The following PRPF39 variants were observed in gnomAD, a reference collection of about 807,000 sequenced individuals.
The protein encoded by PRPF39 is pre-mRNA-processing factor 39.
Under a neutral mutation model 82.1 loss-of-function variants are expected in PRPF39, and 27 were observed. That is an observed-to-expected ratio of 0.33 (90% CI 0.24 to 0.45). The LOEUF is 0.45. Among genes scored for constraint, PRPF39 ranks in the 20% least tolerant of loss-of-function variants. The pLI is 1.00. For missense variants in PRPF39, 581 were observed against 796.9 expected (o/e 0.73, Z 3.26); for synonymous variants, 261 against 256.4 (o/e 1.02, Z -0.17).
intron 5 of PRPF39, 34 bp from the exon 6 acceptor site, chr14:45,107,417 T>C: frequency 7.0e-7 from 1 of 1,426,862 alleles, no homozygotes; most frequent in South Asian, 1.3e-5. Context: ...AAAATTATGA[T>C]TCAAATACAT....
At chr14:45,087,569 T>TTTTGTTTTGC (rs1883873295) in intron 1 of PRPF39, among the ~76,000 whole-genome samples, 1 of 149,830 alleles carries the variant, frequency 6.7e-6, no homozygotes, top group African/African-American at 2.5e-5. Context: ...ACTGTTTTTT[T>TTTTGTTTTGC]TTTGTTTTGT....
At chr14:45,109,371 A>G (rs897060891) in intron 7 of PRPF39, among the ~76,000 whole-genome samples, 1 of 152,184 alleles carries the variant, frequency 6.6e-6, no homozygotes, top group Non-Finnish European at 1.5e-5. Context: ...CAAAGTATAA[A>G]ATGTTCTGTA....
chr14:45,090,497 A>G (rs185949843), intron 1 of PRPF39, among the ~76,000 whole-genome samples: 1 of 152,130 alleles, frequency 6.6e-6, no homozygotes, highest in Non-Finnish European at 1.5e-5. Flanking sequence ...TGTCTCTCTT[A>G]TCTTTTCAGT....
At chr14:45,095,650 T>C (rs994663628) in intron 2 of PRPF39, 87 bp downstream of exon 2, 4 of 1,410,440 alleles carry the variant, frequency 2.8e-6, no homozygotes, top group African/African-American at 2.9e-5. Flanking sequence ...TTGTTTATGA[T>C]TAAAATTGAC....
chr14:45,095,208 C>T lies in PRPF39; in HGVS notation c.-19-13C>T, dbSNP rs372744557. On this transcript the variant is annotated splice_polypyrimidine_tract_variant and intron_variant, in intron 1 of 13. Coordinates refer to ENST00000355765, the MANE Select transcript of PRPF39 (RefSeq NM_017922.4). The stretch of plus-strand genomic sequence containing the variant: ...ATTTGGAAGATATTTCTCTTTTTTT[C>T]GTGTTTCCACAGATCGTTAACTGAA... 170 of 1,462,510 alleles carry T rather than the reference C, an allele frequency of 1.2e-4. No individual in the cohort carries two copies. The African/African-American group carries it at 1.6e-3, about 14-fold the overall frequency. The allele number at this position is 1,462,510 out of a possible 1,614,324, so 90.6% of individuals were successfully genotyped here. A position where few individuals can be genotyped will look rare whatever the true frequency, so the allele number is the denominator to read the frequency against.
At chr14:45,096,068 T>C (rs752973797) in intron 2 of PRPF39, 35 bp from the exon 3 acceptor site, 1 of 1,485,404 alleles carries the variant, frequency 6.7e-7, no homozygotes, top group Non-Finnish European at 9.1e-7. Context: ...GACAGAAATT[T>C]CCACAATATT....
Position 45,095,392 on chromosome 14 carries a change from G to C in PRPF39, c.153G>C (p.Val51=). ...AGTCACCTGATGACTCTCCCAATGT[G>C]AATGCATCTACAGAAGAAACTGAAA... is the stretch of plus-strand genomic sequence containing the variant. ...MEQSPDDSPN[V]NASTEETEMA... is the part of the protein sequence containing the mutation. Residue 51 remains valine (V), a synonymous_variant, in exon 2 of 14, where the codon GTG becomes GTC. Transcript: ENST00000355765. 1 of 1,613,956 alleles carries C rather than the reference G, an allele frequency of 6.2e-7. No individual in the cohort carries two copies. The highest frequency in any genetic ancestry group is 8.5e-7 in the Non-Finnish European group (1 of 1,179,878).
chr14:45,111,149 G>A (rs567707482), intron 10 of PRPF39, among the ~76,000 whole-genome samples: 11 of 152,138 alleles, frequency 7.2e-5, no homozygotes, highest in Admixed American at 2.0e-4. Flanking sequence ...AAGCATAGGC[G>A]TTGCCTATGT....
intron 1 of PRPF39, among the ~76,000 whole-genome samples, chr14:45,089,997 T>A (rs537527032): frequency 1.3e-5 from 2 of 152,210 alleles, no homozygotes; most frequent in Non-Finnish European, 2.9e-5. Context: ...AGGGGTGTGG[T>A]AAATTTGCTG....
At position 45,110,465 on chromosome 14, in the gene PRPF39, A is replaced by T; in HGVS notation, c.1304-84A>T. 7.2e-7 allele frequency: 1 copy of T among 1,385,006 alleles called. No individual in the cohort carries two copies. Among genetic ancestry groups the T allele is most frequent in the Non-Finnish European group, 9.8e-7 (1 of 1,019,294 alleles). The allele number at this position is 1,385,006 out of a possible 1,614,324, so 85.8% of individuals were successfully genotyped here. On this transcript the variant is annotated intron_variant, in intron 9 of 13. Coordinates refer to ENST00000355765, the MANE Select transcript of PRPF39 (RefSeq NM_017922.4). The surrounding 1 kb of genome is among the most constrained non-coding windows in gnomAD (Gnocchi z 4.0). ...CATTATTAGTTGCTGGATTTAGCCC[A>T]TGGGTGATTGTTGCCAGTATCTGGT...
intron 5 of PRPF39, 108 bp from the exon 6 acceptor site, chr14:45,107,343 G>T (rs1884565972): frequency 1.2e-6 from 1 of 837,096 alleles, no homozygotes; most frequent in Non-Finnish European, 1.8e-6. Flanking sequence ...TGATATTTTG[G>T]TTTCTTTTTT....
chr14:45,114,342 T>A, intron 12 of PRPF39, 85 bp downstream of exon 12: 1 of 1,374,224 alleles, frequency 7.3e-7, no homozygotes, highest in Non-Finnish European at 1.0e-6. Flanking sequence ...GTTACTTTTA[T>A]GTTGTAATTT....
chr14:45,112,507 G>T lies in PRPF39; in HGVS notation c.1757+5G>T. On this transcript the variant is annotated splice_donor_5th_base_variant and intron_variant, in intron 11 of 13. Transcript: ENST00000355765. ...TTTTGGTTCCGATGTTAATAAGTAAGATATTAGTTATATTACCTATTTGAA... is the reference window on the plus strand; with the variant it reads ...TTTTGGTTCCGATGTTAATAAGTAATATATTAGTTATATTACCTATTTGAA... 1 of 1,475,436 alleles carries T rather than the reference G, an allele frequency of 6.8e-7. No individual in the cohort carries two copies. Among genetic ancestry groups the T allele is most frequent in the Non-Finnish European group, 8.9e-7 (1 of 1,119,720 alleles). 91.4% of individuals were successfully genotyped at this position (1,475,436 alleles called of 1,614,324 possible).
intron 11 of PRPF39, among the ~76,000 whole-genome samples, chr14:45,112,813 C>G (rs73340620): frequency 0.036 from 5,440 of 152,182 alleles, 325 homozygotes; most frequent in African/African-American, 0.12. Flanking sequence ...AAGGATTGAA[C>G]CCTGAAACCC....
At position 45,110,715 on chromosome 14, in the gene PRPF39, A is replaced by G. The variant is rs763674943; in HGVS notation, c.1470A>G (p.Glu490=). 6.4e-7 allele frequency: 1 copy of G among 1,565,654 alleles called. No homozygotes were observed. Among genetic ancestry groups the G allele is most frequent in the Non-Finnish European group, 8.7e-7 (1 of 1,154,002 alleles). ...TTAAGAATGCCAAATCAAATAATGA[A>G]TCTTCATTTTATGCTGTCAAACTAG... ...DAIKNAKSNN[E]SSFYAVKLAR... is the part of the protein sequence containing the mutation. The change falls in exon 10 of 14, where the codon GAA becomes GAG. Residue 490 remains glutamate, a synonymous_variant. Coordinates refer to ENST00000355765, the MANE Select transcript of PRPF39 (RefSeq NM_017922.4). The surrounding 1 kb of genome is among the most constrained non-coding windows in gnomAD (Gnocchi z 4.0).
At chr14:45,094,373 G>A (rs1884134262) in intron 1 of PRPF39, among the ~76,000 whole-genome samples, 1 of 152,222 alleles carries the variant, frequency 6.6e-6, no homozygotes, top group Admixed American at 6.5e-5. Flanking sequence ...AGTATATTAT[G>A]TAGTTATTAT....
At chr14:45,092,029 GT>G (rs1317256491) in intron 1 of PRPF39, among the ~76,000 whole-genome samples, 1 of 152,124 alleles carries the variant, frequency 6.6e-6, no homozygotes, top group Non-Finnish European at 1.5e-5. Flanking sequence ...GACATGAATC[GT>G]TTCAGATATG....
chr14:45,095,187 G>T, intron 1 of PRPF39, 34 bp from the exon 2 acceptor site: 1 of 1,372,938 alleles, frequency 7.3e-7, no homozygotes, highest in Non-Finnish European at 1.0e-6. Flanking sequence ...ATTGGCATTT[G>T]GAAGATATTT....
intron 4 of PRPF39, among the ~76,000 whole-genome samples, chr14:45,097,787 A>T (rs1389907948): frequency 2.0e-5 from 3 of 152,170 alleles, no homozygotes; most frequent in African/African-American, 7.2e-5. Context: ...TGATTACAGT[A>T]GTTTGCTAAT....
Sources: gnomAD v4.1 joint callset for allele counts (sites outside exome capture counted in the v4.1 genomes callset) on GRCh38, gnomAD v4.1.1 for gene constraint, Gnocchi (gnomAD v3.1) non-coding constraint, MANE v1.5 for transcripts, NCBI Gene and HGNC (gene_info 2026-07-23, HGNC 2026-07-21) for gene names.